Variants in TAS1R1 observed in about 807,000 individuals in gnomAD.
TAS1R1 encodes the protein taste 1 receptor member 1, also known as taste receptor type 1 member 1.
In TAS1R1, 31 loss-of-function variants were observed where a neutral mutation model predicts 45.8. That is an observed-to-expected ratio of 0.68 (90% confidence interval 0.51 to 0.91). TAS1R1 has a LOEUF of 0.91. Among genes scored for constraint, TAS1R1 ranks in the 40% least tolerant of loss-of-function variants. The probability of loss-of-function intolerance (pLI) is 0.00; values close to 1 mark genes in which losing one functional copy is unlikely to be tolerated. For synonymous variants in TAS1R1, 437 were observed against 448.4 expected, an observed-to-expected ratio of 0.97 and a Z score of 0.32; for missense variants, 1,051 against 1,063.9, an observed-to-expected ratio of 0.99 and a Z score of 0.17.
chr1:6,561,371 T>G (rs1639785071), intron 1 of TAS1R1, among the ~76,000 whole-genome samples: 1 of 152,116 alleles, frequency 6.6e-6, no homozygotes. Context: ...TTTTCGGCAG[T>G]GAGGAGATCT....
chr1:6,578,109 A>G (rs1640233895), intron 5 of TAS1R1, among the ~76,000 whole-genome samples: 1 of 152,214 alleles, frequency 6.6e-6, no homozygotes, highest in African/African-American at 2.4e-5. Flanking sequence ...CCATCCAGAA[A>G]TGCAAGGTCA....
intron 1 of TAS1R1, among the ~76,000 whole-genome samples, chr1:6,566,874 C>T (rs940706425): frequency 2.0e-5 from 3 of 152,116 alleles, no homozygotes; most frequent in Non-Finnish European, 2.9e-5. Flanking sequence ...GGATTACAGG[C>T]GTGAGCCACG....
rs1287815590 is a variant in TAS1R1 at position 6,579,521 on chromosome 1, C to T, written c.2463C>T (p.Leu821=). ...ACGTGATCCTCTGCCGCCCAGACCT[C>T]AACAGCACAGAGCACTTCCAGGCCT... ...KCYVILCRPD[L]NSTEHFQASI... Residue 821 remains leucine, a synonymous_variant, in exon 6 of 6, where the codon CTC becomes CTT. Transcript: ENST00000333172. The T allele has an allele frequency of 9.3e-6, 15 of 1,613,480 alleles. No individual in the cohort carries two copies. Among genetic ancestry groups the T allele is most frequent in the Non-Finnish European group, 1.3e-5 (15 of 1,180,036 alleles).
In TAS1R1 at chr1:6,579,140, T is replaced by G. The variant is rs1640294707; in HGVS notation, c.2082T>G (p.Cys694Trp). 3.1e-6 allele frequency: 5 copies of G among 1,614,224 alleles called. No homozygotes were observed. Among genetic ancestry groups the G allele is most frequent in the Non-Finnish European group, 4.2e-6 (5 of 1,180,044 alleles). The change falls in exon 6 of 6, where the codon TGT (cysteine) becomes TGG (tryptophan). Residue 694 changes from cysteine to tryptophan, a missense_variant. Cys to Trp is a radical substitution (Grantham distance 215). Coordinates refer to ENST00000333172, the MANE Select transcript of TAS1R1 (RefSeq NM_138697.4). ...MISSAAQLLI[C>W]LTWLVVWTPL... ...GCTCAGCGGCCCAGCTGCTTATCTGTCTAACTTGGCTGGTGGTGTGGACCC... is the reference window on the plus strand; with the variant it reads ...GCTCAGCGGCCCAGCTGCTTATCTGGCTAACTTGGCTGGTGGTGTGGACCC...
chr1:6,569,032 G>T (rs1163984756), intron 1 of TAS1R1, among the ~76,000 whole-genome samples: 1 of 152,230 alleles, frequency 6.6e-6, no homozygotes, highest in Non-Finnish European at 1.5e-5. Flanking sequence ...GAGGAGGCTG[G>T]TTGAGGGGCA....
intron 1 of TAS1R1, among the ~76,000 whole-genome samples, chr1:6,561,217 C>G (rs1215411557): frequency 6.6e-6 from 1 of 152,126 alleles, no homozygotes; most frequent in African/African-American, 2.4e-5. Context: ...CTAGGGGTTA[C>G]AAAACTACTG....
Position 6,576,477 on chromosome 1 carries a change from C to T in TAS1R1, c.1323C>T (p.Asp441=), listed in dbSNP as rs1171326167. The stretch of plus-strand genomic sequence containing the variant: ...ACAAGGACACTGTGGCGTTTAATGA[C>T]AACAGAGATCCCCTCAGTAGCTATA... The part of the protein sequence containing the change: ...LLHKDTVAFN[D]NRDPLSSYNI... Residue 441 remains aspartate (D), a synonymous_variant, in exon 4 of 6, where the codon GAC becomes GAT. Coordinates refer to ENST00000333172, the MANE Select transcript of TAS1R1 (RefSeq NM_138697.4). The T allele has an allele frequency of 6.2e-7, 1 of 1,614,154 alleles. No homozygotes were observed. The highest frequency in any genetic ancestry group is 8.5e-7 in the Non-Finnish European group (1 of 1,180,062).
At chr1:6,570,512 C>T (rs1334445995) in intron 1 of TAS1R1, among the ~76,000 whole-genome samples, 3 of 151,818 alleles carry the variant, frequency 2.0e-5, no homozygotes, top group South Asian at 2.1e-4. Context: ...GCCTCCAGAC[C>T]GCCTTAGGAC....
In TAS1R1 at chr1:6,574,998, TG is replaced by T. The variant is rs773585310; in HGVS notation, c.867del (p.Thr290ProfsTer3). On this transcript the variant is annotated frameshift_variant, in exon 3 of 6. Coordinates refer to ENST00000333172, the MANE Select transcript of TAS1R1 (RefSeq NM_138697.4). LOFTEE classifies it high-confidence loss of function. This position sits in a 1 kb window ranked among gnomAD's most constrained non-coding sequence, Gnocchi z 4.3. Reference protein sequence around the residue: ...LARVFFESVVLTNLTGKVWVA... With the variant: ...LARVFFESVVXTNLTGKVWVA... ...AGGGTGTTTTTCGAGTCCGTGGTGC[TG>T]ACCAACCTGACTGGCAAGGTGTGGG... is the stretch of plus-strand genomic sequence containing the variant. The T allele has an allele frequency of 1.3e-6, 2 of 1,593,142 alleles. No homozygotes were observed. Among genetic ancestry groups the T allele is most frequent in the Non-Finnish European group, 8.6e-7 (1 of 1,167,894 alleles).
rs749086412 is a variant in TAS1R1 at position 6,576,978 on chromosome 1, G to C, written c.1502G>C (p.Cys501Ser). 1.2e-6 allele frequency: 2 copies of C among 1,614,276 alleles called. No individual in the cohort carries two copies. The highest frequency in any genetic ancestry group is 1.1e-5 in the South Asian group (1 of 91,092). The change falls in exon 5 of 6, where the codon TGT becomes TCT. Residue 501 changes from cysteine (C) to serine (S), a missense_variant. Transcript: ENST00000333172. ...CCTAAGTCTGTGTGTTCCAGCGACT[G>C]TCTTGAAGGGCACCAGCGAGTGGTT... is the stretch of plus-strand genomic sequence containing the variant. ...QVPKSVCSSD[C>S]LEGHQRVVTG... is the part of the protein sequence containing the mutation.
chr1:6,569,571 G>C (rs962048421), intron 1 of TAS1R1, among the ~76,000 whole-genome samples: 1 of 152,166 alleles, frequency 6.6e-6, no homozygotes, highest in Admixed American at 6.5e-5. Context: ...ACACCCAAGG[G>C]GGGTGGTCTT....
chr1:6,567,387 C>T lies in TAS1R1; in HGVS notation c.192-3522C>T, dbSNP rs546804500. On this transcript the variant is annotated intron_variant, in intron 1 of 5. Coordinates refer to ENST00000333172, the MANE Select transcript of TAS1R1 (RefSeq NM_138697.4). Reference sequence around the variant, plus strand: ...CATCCTGGCTAACACGGTGAAACCCCGTCTCTACTAAAAATACAAAAAATT... The same window carrying T: ...CATCCTGGCTAACACGGTGAAACCCTGTCTCTACTAAAAATACAAAAAATT... 3.3e-5 allele frequency among the ~76,000 whole-genome samples: 5 copies of T among 151,826 alleles called. No homozygotes were observed. In the East Asian group the frequency reaches 5.8e-4, roughly 18 times the overall value.
In TAS1R1 at chr1:6,576,638, T is replaced by A. The variant is rs1242125728; in HGVS notation, c.1473+11T>A. On this transcript the variant is annotated intron_variant, in intron 4 of 5. Transcript: ENST00000333172. ...GGAAAGGACAACCAGGTAATGGGGA[T>A]GTGGCTACTCACCATGTAACTGGCT... The A allele has an allele frequency of 6.2e-7, 1 of 1,611,260 alleles. No homozygotes were observed. The highest frequency in any genetic ancestry group is 8.5e-7 in the Non-Finnish European group (1 of 1,178,284).
rs752900408 is a variant in TAS1R1, at chr1:6,575,409, C to A, written c.1260+17C>A. ...CCCTGGCAGGTAAGAGAGCCCACCCCAGCACCTCCTGTCAGGGAGAACAGC... is the reference window on the plus strand; with the variant it reads ...CCCTGGCAGGTAAGAGAGCCCACCCAAGCACCTCCTGTCAGGGAGAACAGC... On this transcript the variant is annotated intron_variant, in intron 3 of 5. Transcript: ENST00000333172. 2 of 1,534,014 alleles carry A rather than the reference C, an allele frequency of 1.3e-6. No individual in the cohort carries two copies. Among genetic ancestry groups the A allele is most frequent in the Non-Finnish European group, 1.7e-6 (2 of 1,143,994 alleles).
At chr1:6,566,544 G>A (rs1364866408) in intron 1 of TAS1R1, among the ~76,000 whole-genome samples, 1 of 152,114 alleles carries the variant, frequency 6.6e-6, no homozygotes, top group African/African-American at 2.4e-5. Flanking sequence ...GTTTACGATG[G>A]GCTGTAGACC....
Position 6,579,434 on chromosome 1 carries a change from C to T in TAS1R1, c.2376C>T (p.Asn792=). 6.2e-7 allele frequency: 1 copy of T among 1,614,064 alleles called. No homozygotes were observed. Among genetic ancestry groups the T allele is most frequent in the South Asian group, 1.1e-5 (1 of 91,088 alleles). ...ACGGCAAGTACCTGCCTGCGGCCAA[C>T]ATGATGGCTGGGCTGAGCAGCCTGA... ...VYDGKYLPAA[N]MMAGLSSLSS... Residue 792 remains asparagine, a synonymous_variant, in exon 6 of 6, where the codon AAC becomes AAT. Transcript: ENST00000333172.
chr1:6,564,574 T>G (rs1031923624), intron 1 of TAS1R1, among the ~76,000 whole-genome samples: 1 of 152,122 alleles, frequency 6.6e-6, no homozygotes, highest in African/African-American at 2.4e-5. Context: ...AGGATGCCAT[T>G]TGCCCTTTCA....
In TAS1R1 at chr1:6,574,512, C is replaced by G. The variant is rs988802690; in HGVS notation, c.499-119C>G. 17 of 1,288,022 alleles carry G rather than the reference C, an allele frequency of 1.3e-5. No individual in the cohort carries two copies. In the Middle Eastern group the frequency reaches 6.1e-4, roughly 46 times the overall value. The allele number at this position is 1,288,022 out of a possible 1,614,324, so 79.8% of individuals were successfully genotyped here. On this transcript the variant is annotated intron_variant, in intron 2 of 5. Coordinates refer to ENST00000333172, the MANE Select transcript of TAS1R1 (RefSeq NM_138697.4). The surrounding 1 kb of genome is among the most constrained non-coding windows in gnomAD (Gnocchi z 4.3). The stretch of plus-strand genomic sequence containing the variant: ...CTTCGCAGGTGATTTGTCAGTTTCA[C>G]AGGCTGAGGGGTGCTCTCCTGGTCT...
At chr1:6,572,844 A>G (rs980867235) in intron 2 of TAS1R1, among the ~76,000 whole-genome samples, 5 of 151,818 alleles carry the variant, frequency 3.3e-5, no homozygotes, top group African/African-American at 1.2e-4. Context: ...TGGACCCAGC[A>G]AGGCCCAGAT....
Sources: allele counts gnomAD v4.1 joint callset (sites outside exome capture counted in the v4.1 genomes callset), GRCh38; gene constraint gnomAD v4.1.1; non-coding constraint Gnocchi (gnomAD v3.1); transcripts MANE v1.5; gene names NCBI Gene and HGNC (gene_info 2026-07-23, HGNC 2026-07-21).